The following ANO3 variants were observed in gnomAD, a reference collection of about 807,000 sequenced individuals.
ANO3 encodes anoctamin-3.
Under a neutral mutation model 144.8 loss-of-function variants are expected in ANO3, and 99 were observed. The observed-to-expected ratio is 0.68, with a 90% confidence interval of 0.58 to 0.81. The LOEUF is 0.81. ANO3 is among the 30% of genes least tolerant of loss of function. ANO3 has a pLI of 0.00. For missense variants in ANO3, 905 were observed against 1,202.2 expected, an observed-to-expected ratio of 0.75 and a Z score of 3.66; for synonymous variants, 414 against 392.6, an observed-to-expected ratio of 1.05 and a Z score of -0.64.
intron 1 of ANO3, among the ~76,000 whole-genome samples, chr11:26,362,028 T>C (rs1489374120): frequency 6.6e-6 from 1 of 152,184 alleles, no homozygotes; most frequent in Non-Finnish European, 1.5e-5. Context: ...TTTCCTCTTT[T>C]GATTAAGAGT....
At chr11:26,227,602 T>C (rs1017987436) in intron 1 of ANO3, among the ~76,000 whole-genome samples, 8 of 152,210 alleles carry the variant, frequency 5.3e-5, no homozygotes, top group Admixed American at 3.3e-4. Flanking sequence ...TTGTGTCTTA[T>C]AAGAAGCTCT....
At chr11:26,380,769 G>A (rs960479125) in intron 1 of ANO3, among the ~76,000 whole-genome samples, 3 of 152,120 alleles carry the variant, frequency 2.0e-5, no homozygotes, top group African/African-American at 7.2e-5. Context: ...ATAACCTGAG[G>A]TCAGGAGTTT....
intron 1 of ANO3, among the ~76,000 whole-genome samples, chr11:26,253,763 C>A (rs1003399853): frequency 6.6e-6 from 1 of 152,050 alleles, no homozygotes; most frequent in African/African-American, 2.4e-5. Flanking sequence ...CCAGAAGACC[C>A]AATTGCTAAT....
intron 18 of ANO3, among the ~76,000 whole-genome samples, chr11:26,625,263 A>G (rs1278823716): frequency 6.6e-6 from 1 of 151,956 alleles, no homozygotes; most frequent in Non-Finnish European, 1.5e-5. Context: ...GTTATTTCCC[A>G]CCATGTTTCC....
At chr11:26,439,302 T>C (rs1407939946) in intron 1 of ANO3, among the ~76,000 whole-genome samples, 1 of 151,644 alleles carries the variant, frequency 6.6e-6, no homozygotes, top group African/African-American at 2.4e-5. Context: ...CACAAACAAC[T>C]AAAGAAAAAA....
upstream of ANO3, among the ~76,000 whole-genome samples, chr11:26,304,859 T>C (rs138872741): frequency 3.5e-3 from 532 of 152,196 alleles, 10 homozygotes; most frequent in Admixed American, 9.0e-3. Context: ...AGTGAATATG[T>C]ATTTTAAGTT....
At chr11:26,530,112 CTGCAAAGGCTTTT>C (rs1348749613) in intron 7 of ANO3, among the ~76,000 whole-genome samples, 1 of 152,136 alleles carries the variant, frequency 6.6e-6, no homozygotes, top group Non-Finnish European at 1.5e-5. Flanking sequence ...CTTAAAAGTC[CTGCAAAGGCTTTT>C]TGCCTCAGTG....
chr11:26,273,052 T>C (rs1853477464), intron 1 of ANO3, among the ~76,000 whole-genome samples: 1 of 152,036 alleles, frequency 6.6e-6, no homozygotes, highest in Non-Finnish European at 1.5e-5. Context: ...TACCTATAAA[T>C]ATAAAGCTGC....
chr11:26,444,147 G>A (rs967652219), intron 3 of ANO3, among the ~76,000 whole-genome samples: 40 of 152,086 alleles, frequency 2.6e-4, no homozygotes, highest in South Asian at 8.3e-4. Flanking sequence ...TTGACACTCA[G>A]AATTTAGAAT....
At chr11:26,410,561 A>C (rs999657826) in intron 1 of ANO3, among the ~76,000 whole-genome samples, 1 of 152,030 alleles carries the variant, frequency 6.6e-6, no homozygotes, top group Non-Finnish European at 1.5e-5. Flanking sequence ...ACATCCCCCA[A>C]AACAATTGTA....
intron 1 of ANO3, among the ~76,000 whole-genome samples, chr11:26,394,478 A>G (rs1856954396): frequency 6.6e-6 from 1 of 151,986 alleles, no homozygotes; most frequent in African/African-American, 2.4e-5. Flanking sequence ...AAAACTCCAA[A>G]TCTCTCTAGG....
intron 17 of ANO3, 25 bp from the exon 18 acceptor site, chr11:26,624,437 C>G: frequency 6.5e-7 from 1 of 1,549,294 alleles, no homozygotes; most frequent in Non-Finnish European, 8.9e-7. Flanking sequence ...GAATAATGTT[C>G]ACTATGTATT....
intron 1 of ANO3, among the ~76,000 whole-genome samples, chr11:26,310,196 C>T (rs1854474314): frequency 6.6e-6 from 1 of 152,068 alleles, no homozygotes; most frequent in Non-Finnish European, 1.5e-5. Context: ...GCCATAAAAT[C>T]CCTGAATAGT....
intron 1 of ANO3, among the ~76,000 whole-genome samples, chr11:26,337,399 T>G (rs986051827): frequency 1.3e-5 from 2 of 152,186 alleles, no homozygotes; most frequent in African/African-American, 2.4e-5. Flanking sequence ...TTTTAAAATG[T>G]GAGTGTTTCA....
intron 14 of ANO3, among the ~76,000 whole-genome samples, chr11:26,590,013 G>A (rs549238950): frequency 3.3e-5 from 5 of 152,262 alleles, no homozygotes; most frequent in South Asian, 4.1e-4. Flanking sequence ...TAGAGAGCTC[G>A]TGACATTTCT....
chr11:26,275,154 G>C (rs572052025), intron 1 of ANO3, among the ~76,000 whole-genome samples: 4 of 151,888 alleles, frequency 2.6e-5, no homozygotes, highest in African/African-American at 4.8e-5. Flanking sequence ...CATATTTGTG[G>C]GGCTGACCAG....
chr11:26,450,509 C>A (rs751442610), intron 3 of ANO3, among the ~76,000 whole-genome samples: 8 of 152,140 alleles, frequency 5.3e-5, no homozygotes, highest in Non-Finnish European at 1.0e-4. Flanking sequence ...ATGTATGGAC[C>A]ATTCATGAAT....
intron 14 of ANO3, chr11:26,565,612 C>T (rs761629689): frequency 5.6e-6 from 9 of 1,613,112 alleles, no homozygotes; most frequent in South Asian, 3.3e-5. Flanking sequence ...TCTGTTATTC[C>T]GTGGCTGTTG....
chr11:26,384,146 C>T (rs1312459391), intron 1 of ANO3, among the ~76,000 whole-genome samples: 2 of 151,906 alleles, frequency 1.3e-5, no homozygotes, highest in Non-Finnish European at 2.9e-5. Flanking sequence ...GTGATCCGCC[C>T]GCCTTGGCCT....
Sources: allele counts gnomAD v4.1 joint callset (sites outside exome capture counted in the v4.1 genomes callset), GRCh38; gene constraint gnomAD v4.1.1; transcripts MANE v1.5; gene names NCBI Gene and HGNC (gene_info 2026-07-23, HGNC 2026-07-21).